The following ADGRL3 variants were observed in gnomAD, a reference collection of about 807,000 sequenced individuals.
ADGRL3 encodes calcium-independent alpha-latrotoxin receptor 3.
ADGRL3 carries 62 observed loss-of-function variants against 153.5 expected under a neutral mutation model. The ratio of observed to expected loss-of-function variants is 0.40; its 90% CI spans 0.33 to 0.50. The LOEUF is 0.50. ADGRL3 is among the 20% of genes least tolerant of loss of function. The pLI is 0.47. For missense variants in ADGRL3, 1,641 were observed against 1,859.4 expected (o/e 0.88, Z 2.16); for synonymous variants, 710 against 672.5 (o/e 1.06, Z -0.86).
intron 1 of ADGRL3, among the ~76,000 whole-genome samples, chr4:61,369,713 C>T (rs567128267): frequency 3.9e-5 from 6 of 151,978 alleles, no homozygotes; most frequent in Middle Eastern, 3.4e-3. Flanking sequence ...TGTCTCTGCC[C>T]GGTTTGGTAT....
At position 61,888,330 on chromosome 4, in the gene ADGRL3, C is replaced by T. The variant is rs188491362; in HGVS notation, c.1481-4326C>T. Among the ~76,000 whole-genome samples the T allele has an allele frequency of 9.1e-4, 139 of 152,344 alleles. No homozygotes were observed. In the East Asian group the frequency reaches 0.017, roughly 18 times the overall value. ...CATAGTTTTATTAAGCTAGCTATGTCATCAGGTAAGATTCAATAACAGTAT... is the reference window on the plus strand; with the variant it reads ...CATAGTTTTATTAAGCTAGCTATGTTATCAGGTAAGATTCAATAACAGTAT... On this transcript the variant is annotated intron_variant, in intron 9 of 26. Coordinates refer to ENST00000683033, the MANE Select transcript of ADGRL3 (RefSeq NM_001387552.1).
At chr4:61,370,669 A>G (rs1351766416) in intron 1 of ADGRL3, among the ~76,000 whole-genome samples, 2 of 151,820 alleles carry the variant, frequency 1.3e-5, no homozygotes, top group Non-Finnish European at 2.9e-5. Flanking sequence ...CAATTTTGGA[A>G]TAGGTGTGGT....
At chr4:61,362,731 A>G (rs1327580576) in intron 1 of ADGRL3, among the ~76,000 whole-genome samples, 7 of 152,122 alleles carry the variant, frequency 4.6e-5, no homozygotes. Context: ...TTACTGTTTC[A>G]GGGGTGACAG....
intron 6 of ADGRL3, chr4:61,677,248 C>T: frequency 3.2e-6 from 1 of 314,012 alleles, no homozygotes; most frequent in Non-Finnish European, 6.2e-6. Flanking sequence ...TCTCCAGGTC[C>T]AAGCAGATAA....
intron 5 of ADGRL3, among the ~76,000 whole-genome samples, chr4:61,613,601 G>A (rs1200982589): frequency 6.6e-6 from 1 of 152,072 alleles, no homozygotes; most frequent in African/African-American, 2.4e-5. Context: ...AAATTTAGCT[G>A]GGTGTGGTGG....
chr4:61,592,079 A>AAAAG (rs1189836326), intron 5 of ADGRL3, among the ~76,000 whole-genome samples: 1 of 151,344 alleles, frequency 6.6e-6, no homozygotes, highest in African/African-American at 2.4e-5. Flanking sequence ...GCTTCAAAAA[A>AAAAG]AAAAAAAAAA....
intron 11 of ADGRL3, among the ~76,000 whole-genome samples, chr4:61,907,237 G>C (rs962814011): frequency 6.6e-6 from 1 of 151,910 alleles, no homozygotes; most frequent in Non-Finnish European, 1.5e-5. Context: ...TAAAATGCTT[G>C]TATATATTTT....
intron 21 of ADGRL3, among the ~76,000 whole-genome samples, chr4:62,010,714 T>A (rs1243901391): frequency 6.6e-6 from 1 of 151,906 alleles, no homozygotes; most frequent in East Asian, 1.9e-4. Flanking sequence ...AGGGAACATT[T>A]AATTATTGTA....
chr4:61,896,943 CA>C (rs2098635099), intron 11 of ADGRL3, among the ~76,000 whole-genome samples: 2 of 152,136 alleles, frequency 1.3e-5, no homozygotes. Context: ...ATACTTAGCC[CA>C]GGGGTGAATA....
intron 1 of ADGRL3, among the ~76,000 whole-genome samples, chr4:61,303,408 C>T (rs1258079460): frequency 3.3e-5 from 5 of 151,790 alleles, no homozygotes; most frequent in African/African-American, 1.2e-4. Context: ...GAAAATATTA[C>T]CTAATTGTTG....
At chr4:61,395,231 T>A (rs977078081) in intron 2 of ADGRL3, among the ~76,000 whole-genome samples, 11 of 151,964 alleles carry the variant, frequency 7.2e-5, no homozygotes, top group African/African-American at 2.4e-4. Flanking sequence ...GAAAAATGAA[T>A]GCTTCTTCTC....
rs78130472 is a variant in ADGRL3, at chr4:61,631,512, G to A, written c.473+44072G>A. Among the ~76,000 whole-genome samples the A allele has an allele frequency of 7.5e-3, 1,143 of 152,180 alleles. 17 individuals carry two copies. Among genetic ancestry groups the A allele is most frequent in the African/African-American group, 0.026 (1,083 of 41,522 alleles). ...TAAGACTGGTGTTGTATAGATCAAC[G>A]ATTAGTAAATGCTAAGGTAGACTCT... On this transcript the variant is annotated intron_variant, in intron 5 of 26. Transcript: ENST00000683033.
chr4:61,662,434 A>C (rs2150596265), intron 5 of ADGRL3, among the ~76,000 whole-genome samples: 1 of 152,342 alleles, frequency 6.6e-6, no homozygotes, highest in East Asian at 1.9e-4. Flanking sequence ...GCGCTGTTGC[A>C]ACCCAGCCAG....
chr4:61,906,975 T>A (rs1168766467), intron 11 of ADGRL3, among the ~76,000 whole-genome samples: 1 of 152,132 alleles, frequency 6.6e-6, no homozygotes, highest in Non-Finnish European at 1.5e-5. Flanking sequence ...TCTCTTTATG[T>A]TCCCATGTTC....
At chr4:61,605,248 G>A (rs767046075) in intron 5 of ADGRL3, among the ~76,000 whole-genome samples, 1 of 151,880 alleles carries the variant, frequency 6.6e-6, no homozygotes, top group African/African-American at 2.4e-5. Context: ...TTTTGAGGAA[G>A]CCTTTAAATT....
At chr4:61,545,076 T>G (rs558311801) in intron 4 of ADGRL3, among the ~76,000 whole-genome samples, 8 of 152,372 alleles carry the variant, frequency 5.3e-5, no homozygotes, top group African/African-American at 1.9e-4. Flanking sequence ...CAGTCAAAAA[T>G]CTAGAAGTAA....
chr4:61,646,926 G>C (rs1419345537), intron 5 of ADGRL3, among the ~76,000 whole-genome samples: 2 of 152,200 alleles, frequency 1.3e-5, no homozygotes, highest in Non-Finnish European at 2.9e-5. Context: ...AGCAATCAGC[G>C]AGACTCCGTG....
chr4:61,767,854 A>G (rs1386924421), intron 8 of ADGRL3, among the ~76,000 whole-genome samples: 1 of 152,080 alleles, frequency 6.6e-6, no homozygotes, highest in African/African-American at 2.4e-5. Context: ...TTTGTCTCAC[A>G]GTGGAGGCAA....
intron 1 of ADGRL3, among the ~76,000 whole-genome samples, chr4:61,354,228 C>T (rs1051504218): frequency 3.3e-5 from 5 of 152,066 alleles, no homozygotes; most frequent in Non-Finnish European, 5.9e-5. Flanking sequence ...CTAGTTCTCA[C>T]GACTAATAAT....
Sources: gnomAD v4.1 joint callset for allele counts (sites outside exome capture counted in the v4.1 genomes callset) on GRCh38, gnomAD v4.1.1 for gene constraint, MANE v1.5 for transcripts, NCBI Gene and HGNC (gene_info 2026-07-23, HGNC 2026-07-21) for gene names.